KCNIP1: variants seen among roughly 807,000 people sequenced by gnomAD.
KCNIP1 encodes the protein A-type potassium channel modulatory protein KCNIP1.
A neutral mutation model predicts 33.0 loss-of-function variants in KCNIP1; 18 were observed. The observed-to-expected ratio is 0.55, with a 90% CI of 0.38 to 0.81. The LOEUF is 0.81. Among genes scored for constraint, KCNIP1 ranks in the 30% least tolerant of loss-of-function variants. The pLI, the probability that KCNIP1 is intolerant of heterozygous loss-of-function variation, is 0.00. For synonymous variants in KCNIP1, 93 were observed against 98.3 expected (o/e 0.95, Z 0.32); for missense variants, 238 against 271.6 (o/e 0.88, Z 0.87).
intron 1 of KCNIP1, among the ~76,000 whole-genome samples, chr5:170,443,955 C>T (rs1756051638): frequency 6.6e-6 from 1 of 152,126 alleles, no homozygotes; most frequent in Non-Finnish European, 1.5e-5. Context: ...TGAGGACCTC[C>T]CAGGTGGGTG....
chr5:170,526,180 G>A (rs1755558954), intron 1 of KCNIP1, among the ~76,000 whole-genome samples: 1 of 152,150 alleles, frequency 6.6e-6, no homozygotes, highest in Admixed American at 6.5e-5. Flanking sequence ...ACCCTCCTGG[G>A]CACCCCAATA....
intron 1 of KCNIP1, among the ~76,000 whole-genome samples, chr5:170,421,747 A>G (rs530406464): frequency 1.3e-5 from 2 of 152,342 alleles, no homozygotes; most frequent in Non-Finnish European, 2.9e-5. Context: ...AGAAACATTG[A>G]GACCATAGCA....
chr5:170,468,407 T>C (rs1449504386), intron 1 of KCNIP1, among the ~76,000 whole-genome samples: 1 of 152,216 alleles, frequency 6.6e-6, no homozygotes, highest in African/African-American at 2.4e-5. Flanking sequence ...GACCTATAAA[T>C]AAATAATAAG....
At chr5:170,502,802 A>G (rs778730262), upstream of KCNIP1, among the ~76,000 whole-genome samples, 8 of 152,082 alleles carry the variant, frequency 5.3e-5, no homozygotes, top group Non-Finnish European at 1.0e-4. Context: ...CTCAGTGTCA[A>G]TCAAAATGGG....
intron 1 of KCNIP1, among the ~76,000 whole-genome samples, chr5:170,365,455 C>A (rs1008613636): frequency 6.6e-6 from 1 of 152,216 alleles, no homozygotes; most frequent in African/African-American, 2.4e-5. Context: ...AACAGCCCTC[C>A]TCAGTTCTGG....
At chr5:170,482,549 T>A (rs1581231937) in intron 1 of KCNIP1, among the ~76,000 whole-genome samples, 1 of 152,198 alleles carries the variant, frequency 6.6e-6, no homozygotes, top group East Asian at 1.9e-4. Flanking sequence ...TCTCTAGGAC[T>A]CACAGATGAG....
intron 1 of KCNIP1, among the ~76,000 whole-genome samples, chr5:170,508,166 G>A (rs1320414742): frequency 1.3e-5 from 2 of 152,242 alleles, no homozygotes; most frequent in East Asian, 3.8e-4. Context: ...CACTACAGGG[G>A]TGGCTGGGTT....
At chr5:170,426,009 G>A (rs1373893183) in intron 1 of KCNIP1, among the ~76,000 whole-genome samples, 4 of 152,178 alleles carry the variant, frequency 2.6e-5, no homozygotes, top group Admixed American at 6.5e-5. Flanking sequence ...GTGGCCCCGG[G>A]CAGGTCAGTT....
intron 1 of KCNIP1, among the ~76,000 whole-genome samples, chr5:170,675,507 G>A (rs947543632): frequency 6.6e-6 from 1 of 152,094 alleles, no homozygotes; most frequent in African/African-American, 2.4e-5. Flanking sequence ...TGTAGTCCCA[G>A]CTACTCAGGA....
intron 1 of KCNIP1, among the ~76,000 whole-genome samples, chr5:170,391,854 C>T (rs996109678): frequency 6.6e-6 from 1 of 152,256 alleles, no homozygotes; most frequent in Non-Finnish European, 1.5e-5. Flanking sequence ...AGCTACCTGA[C>T]ACATAGTATG....
At chr5:170,635,507 G>A (rs567572527) in intron 1 of KCNIP1, among the ~76,000 whole-genome samples, 2 of 152,162 alleles carry the variant, frequency 1.3e-5, no homozygotes, top group South Asian at 4.1e-4. Context: ...GCATGTTGCT[G>A]TTTATTTCCT....
intron 1 of KCNIP1, among the ~76,000 whole-genome samples, chr5:170,458,194 G>A (rs537042203): frequency 6.6e-6 from 1 of 152,150 alleles, no homozygotes; most frequent in East Asian, 1.9e-4. Flanking sequence ...ATAAGTCTGG[G>A]ATTATATTAA....
chr5:170,467,484 G>A (rs900040188), intron 1 of KCNIP1, among the ~76,000 whole-genome samples: 1 of 152,120 alleles, frequency 6.6e-6, no homozygotes, highest in Non-Finnish European at 1.5e-5. Flanking sequence ...TACTACCAGT[G>A]GAAAGAAGGA....
chr5:170,404,903 T>C (rs953994683), intron 1 of KCNIP1, among the ~76,000 whole-genome samples: 7 of 152,250 alleles, frequency 4.6e-5, no homozygotes, highest in Middle Eastern at 3.2e-3. Context: ...TGACATTATT[T>C]GGATAGTAGA....
At chr5:170,419,398 A>G (rs1755419139) in intron 1 of KCNIP1, among the ~76,000 whole-genome samples, 2 of 152,216 alleles carry the variant, frequency 1.3e-5, no homozygotes, top group Admixed American at 1.3e-4. Context: ...TGACCTGCAT[A>G]AGCCACCACT....
At chr5:170,442,777 C>G (rs1354084774) in intron 1 of KCNIP1, among the ~76,000 whole-genome samples, 5 of 152,172 alleles carry the variant, frequency 3.3e-5, no homozygotes, top group African/African-American at 9.7e-5. Context: ...ATGTTTCACA[C>G]AGAGGAGAAC....
At chr5:170,547,867 A>G (rs1756475091) in intron 1 of KCNIP1, among the ~76,000 whole-genome samples, 1 of 152,128 alleles carries the variant, frequency 6.6e-6, no homozygotes, top group Non-Finnish European at 1.5e-5. Flanking sequence ...AATAATTTCC[A>G]TTCTTTTAGG....
intron 1 of KCNIP1, among the ~76,000 whole-genome samples, chr5:170,506,419 T>C (rs1754722399): frequency 6.6e-6 from 1 of 151,924 alleles, no homozygotes; most frequent in African/African-American, 2.4e-5. Flanking sequence ...CCAGAGGAAG[T>C]TGTTGTAAGG....
At chr5:170,537,736 C>G (rs1756049378) in intron 1 of KCNIP1, among the ~76,000 whole-genome samples, 1 of 152,230 alleles carries the variant, frequency 6.6e-6, no homozygotes, top group Non-Finnish European at 1.5e-5. Flanking sequence ...CTTTGCTCGG[C>G]CTTTTGTTGA....
Sources: gnomAD v4.1 joint callset for allele counts (sites outside exome capture counted in the v4.1 genomes callset) on GRCh38, gnomAD v4.1.1 for gene constraint, MANE v1.5 for transcripts, NCBI Gene and HGNC (gene_info 2026-07-23, HGNC 2026-07-21) for gene names.